The following BICC1 variants were observed in gnomAD, a reference collection of about 807,000 sequenced individuals.
BICC1 encodes BicC family RNA binding protein 1.
In BICC1, 43 loss-of-function variants were observed where a neutral mutation model predicts 111.0. That is an observed-to-expected ratio of 0.39 (90% confidence interval 0.30 to 0.50). BICC1 has a LOEUF of 0.50. Among genes scored for constraint, BICC1 ranks in the 20% least tolerant of loss-of-function variants. The pLI, the probability that BICC1 is intolerant of heterozygous loss-of-function variation, is 0.88. For missense variants in BICC1, 1,091 were observed against 1,203.2 expected (o/e 0.91, Z 1.38); for synonymous variants, 467 against 434.4 (o/e 1.07, Z -0.93).
intron 1 of BICC1, among the ~76,000 whole-genome samples, chr10:58,584,398 G>T (rs1433592107): frequency 6.6e-6 from 1 of 152,076 alleles, no homozygotes; most frequent in Admixed American, 6.6e-5. Flanking sequence ...ATTAGGGCCG[G>T]TTCTGGTGCC....
At chr10:58,560,371 T>C (rs978303569) in intron 1 of BICC1, among the ~76,000 whole-genome samples, 3 of 152,244 alleles carry the variant, frequency 2.0e-5, no homozygotes, top group African/African-American at 7.2e-5. Flanking sequence ...TAACAAGCGC[T>C]GATCTTTTGT....
intron 4 of BICC1, among the ~76,000 whole-genome samples, chr10:58,785,931 T>C (rs552573314): frequency 2.6e-5 from 4 of 152,158 alleles, no homozygotes; most frequent in Non-Finnish European, 5.9e-5. Context: ...CTTTGTTGGT[T>C]TTCTTCGTTT....
intron 3 of BICC1, among the ~76,000 whole-genome samples, chr10:58,780,272 A>G (rs1439923358): frequency 2.0e-5 from 3 of 152,208 alleles, no homozygotes; most frequent in South Asian, 2.1e-4. Flanking sequence ...TTTATAATAT[A>G]TGGAAATTTT....
At chr10:58,562,640 G>T (rs1388936826) in intron 1 of BICC1, among the ~76,000 whole-genome samples, 1 of 151,942 alleles carries the variant, frequency 6.6e-6, no homozygotes, top group Non-Finnish European at 1.5e-5. Context: ...TCAGTTACTG[G>T]AGAATAGTTT....
intron 1 of BICC1, among the ~76,000 whole-genome samples, chr10:58,593,821 C>G (rs1844717404): frequency 6.6e-6 from 1 of 151,998 alleles, no homozygotes; most frequent in Admixed American, 6.5e-5. Flanking sequence ...TCTTCTCCTC[C>G]AAAGGATCAC....
chr10:58,549,222 A>G (rs1843224588), intron 1 of BICC1, among the ~76,000 whole-genome samples: 2 of 151,848 alleles, frequency 1.3e-5, no homozygotes, highest in East Asian at 3.9e-4. Flanking sequence ...ACCTGTTGAG[A>G]TTGTTTCCAG....
At chr10:58,735,700 A>G (rs1841445535) in intron 3 of BICC1, among the ~76,000 whole-genome samples, 1 of 152,198 alleles carries the variant, frequency 6.6e-6, no homozygotes. Context: ...GTGCAACATC[A>G]GCTGCCTCCC....
At chr10:58,589,466 T>TG (rs1189853241) in intron 1 of BICC1, among the ~76,000 whole-genome samples, 1 of 151,804 alleles carries the variant, frequency 6.6e-6, no homozygotes, top group East Asian at 1.9e-4. Context: ...CTTTACTTTT[T>TG]TTTTTTTTAG....
chr10:58,720,745 G>A (rs1840914344), intron 3 of BICC1, among the ~76,000 whole-genome samples: 1 of 152,222 alleles, frequency 6.6e-6, no homozygotes, highest in Non-Finnish European at 1.5e-5. Context: ...AAATCCCGGG[G>A]TTCGGGGTGG....
chr10:58,647,771 C>T (rs1460171623), intron 2 of BICC1, among the ~76,000 whole-genome samples: 1 of 150,996 alleles, frequency 6.6e-6, no homozygotes, highest in African/African-American at 2.4e-5. Context: ...TTGAAGAGGG[C>T]TTTCTCAGAA....
At position 58,532,873 on chromosome 10, in the gene BICC1, A is replaced by G. The variant is rs189282887; in HGVS notation, c.190+19540A>G. 8.6e-5 allele frequency among the ~76,000 whole-genome samples: 13 copies of G among 151,990 alleles called. No individual in the cohort carries two copies. In the East Asian group the frequency reaches 2.5e-3, roughly 30 times the overall value. On this transcript the variant is annotated intron_variant, in intron 1 of 20. Coordinates refer to ENST00000373886, the MANE Select transcript of BICC1 (RefSeq NM_001080512.3). ...TAAAGCATTTCTCGAAAGAATTGTA[A>G]CAGCAGATGAAACATGGTTTTGCCA...
chr10:58,806,915 A>G (rs1410707053), intron 16 of BICC1, 89 bp from the exon 17 acceptor site: 4 of 1,180,760 alleles, frequency 3.4e-6, no homozygotes, highest in African/African-American at 3.1e-5. Context: ...ATTTCTTCAC[A>G]TATATCAAAG....
intron 1 of BICC1, among the ~76,000 whole-genome samples, chr10:58,588,045 G>A (rs980860161): frequency 6.6e-6 from 1 of 152,108 alleles, no homozygotes; most frequent in Non-Finnish European, 1.5e-5. Context: ...ATATATTTAG[G>A]GAAGTGGTAC....
intron 2 of BICC1, among the ~76,000 whole-genome samples, chr10:58,643,056 G>A (rs1838169936): frequency 6.6e-6 from 1 of 152,148 alleles, no homozygotes; most frequent in Non-Finnish European, 1.5e-5. Context: ...ATTTACCAAA[G>A]AGGTTTGTAA....
intron 3 of BICC1, among the ~76,000 whole-genome samples, chr10:58,774,386 G>A (rs1842696196): frequency 6.6e-6 from 1 of 152,096 alleles, no homozygotes; most frequent in Non-Finnish European, 1.5e-5. Flanking sequence ...ATTGTACTGG[G>A]GAAAACAGGA....
intron 3 of BICC1, among the ~76,000 whole-genome samples, chr10:58,742,019 A>G (rs1251006415): frequency 6.6e-6 from 1 of 152,242 alleles, no homozygotes; most frequent in Non-Finnish European, 1.5e-5. Context: ...ATATCAAAAA[A>G]TGAAAGGTAT....
chr10:58,654,007 G>T (rs903484221), intron 2 of BICC1, among the ~76,000 whole-genome samples: 5 of 151,056 alleles, frequency 3.3e-5, no homozygotes, highest in Non-Finnish European at 5.9e-5. Context: ...CAAAGGACAT[G>T]AACTCATCAT....
intron 1 of BICC1, among the ~76,000 whole-genome samples, chr10:58,602,331 A>C (rs1845067510): frequency 1.3e-5 from 2 of 152,166 alleles, no homozygotes; most frequent in South Asian, 4.1e-4. Context: ...AAATGTACGC[A>C]CATATTTTTT....
chr10:58,541,496 A>T lies in BICC1; in HGVS notation c.190+28163A>T, dbSNP rs563754787. On this transcript the variant is annotated intron_variant, in intron 1 of 20. Coordinates refer to ENST00000373886, the MANE Select transcript of BICC1 (RefSeq NM_001080512.3). ...AAAATACTTAGGAATAAACTTTACC[A>T]ATGAGGCGAAACACTTCTACACTGA... 2.6e-5 allele frequency among the ~76,000 whole-genome samples: 4 copies of T among 152,266 alleles called. No individual in the cohort carries two copies. The East Asian group carries it at 5.8e-4, about 22-fold the overall frequency.
Sources: gnomAD v4.1 joint callset for allele counts (sites outside exome capture counted in the v4.1 genomes callset) on GRCh38, gnomAD v4.1.1 for gene constraint, MANE v1.5 for transcripts, NCBI Gene and HGNC (gene_info 2026-07-23, HGNC 2026-07-21) for gene names.